The following RIGI variants were observed in gnomAD, a reference collection of about 807,000 sequenced individuals.
The protein encoded by RIGI is antiviral innate immune response receptor RIG-I.
the RIGI span, chr9:32,493,708 C>G: frequency 2.5e-6 from 3 of 1,202,980 alleles, no homozygotes; most frequent in Non-Finnish European, 3.5e-6. Context: ...AAACAGAAGA[C>G]CTTCCCATGT....
the RIGI span, among the ~76,000 whole-genome samples, chr9:32,512,301 T>C: frequency 5.1e-4 from 77 of 152,322 alleles, 1 homozygote; most frequent in South Asian, 0.016. Context: ...CTGATGAACA[T>C]TGATGCAAAA....
the RIGI span, chr9:32,498,316 C>A: frequency 2.2e-6 from 1 of 456,682 alleles, no homozygotes; most frequent in Non-Finnish European, 4.4e-6. Context: ...GCTCACCTGC[C>A]CAGGTGCATG....
the RIGI span, among the ~76,000 whole-genome samples, chr9:32,499,849 G>A: frequency 2.0e-5 from 3 of 152,234 alleles, no homozygotes; most frequent in Non-Finnish European, 4.4e-5. Flanking sequence ...CAAACTCCTG[G>A]ACTCTAGCAG....
At chr9:32,475,194 C>T in the RIGI span, among the ~76,000 whole-genome samples, 750 of 152,150 alleles carry the variant, frequency 4.9e-3, 5 homozygotes, top group African/African-American at 0.017. Context: ...TCAAGTGATC[C>T]GCCCGCCTCA....
At chr9:32,457,515 C>G in the RIGI span, 63 of 1,057,854 alleles carry the variant, frequency 6.0e-5, no homozygotes, top group Non-Finnish European at 7.7e-5. Flanking sequence ...CCACAATAAT[C>G]TGAGGCAAAG....
At chr9:32,488,936 A>G in the RIGI span, 1 of 1,495,940 alleles carries the variant, frequency 6.7e-7, no homozygotes, top group Non-Finnish European at 9.0e-7. Context: ...TATATTAGAT[A>G]TTTCTCTGGA....
the RIGI span, among the ~76,000 whole-genome samples, chr9:32,464,248 T>A: frequency 7.3e-5 from 11 of 151,072 alleles, no homozygotes; most frequent in East Asian, 2.1e-3. Context: ...AAAACCCATA[T>A]ACAGGGACCA....
the RIGI span, among the ~76,000 whole-genome samples, chr9:32,516,611 T>C: frequency 6.6e-6 from 1 of 152,182 alleles, no homozygotes; most frequent in African/African-American, 2.4e-5. Context: ...TGAGTGTCCT[T>C]TCTTGGCCCA....
the RIGI span, chr9:32,489,504 C>T: frequency 1.9e-5 from 21 of 1,127,276 alleles, no homozygotes; most frequent in Admixed American, 9.2e-5. Flanking sequence ...TGAGGAATCA[C>T]GGCAATAGCT....
the RIGI span, among the ~76,000 whole-genome samples, chr9:32,489,823 C>T: frequency 6.6e-6 from 1 of 152,210 alleles, no homozygotes; most frequent in Admixed American, 6.5e-5. Flanking sequence ...GAAAACCAAA[C>T]TGTTAACATT....
At chr9:32,520,091 T>C in the RIGI span, among the ~76,000 whole-genome samples, 2 of 152,228 alleles carry the variant, frequency 1.3e-5, no homozygotes, top group South Asian at 2.1e-4. Context: ...TATCTTCATA[T>C]TGAATTTCCA....
the RIGI span, chr9:32,459,304 T>C: frequency 1.9e-6 from 3 of 1,540,166 alleles, no homozygotes; most frequent in Non-Finnish European, 2.6e-6. Context: ...ATTATAAATA[T>C]TTCACCAACA....
chr9:32,493,814 T>C, the RIGI span: 16 of 1,610,618 alleles, frequency 9.9e-6, no homozygotes, highest in Admixed American at 1.7e-5. Flanking sequence ...AGATCAGAAA[T>C]GATATCGGTT....
chr9:32,480,106 C>G, the RIGI span: 1 of 1,199,756 alleles, frequency 8.3e-7, no homozygotes, highest in Non-Finnish European at 1.2e-6. Context: ...ACATCCAGGA[C>G]AACTCCCTAA....
chr9:32,460,287 G>A, the RIGI span, among the ~76,000 whole-genome samples: 16 of 152,152 alleles, frequency 1.1e-4, no homozygotes, highest in Admixed American at 9.2e-4. Context: ...CATGAAAACA[G>A]ACTAATACAG....
chr9:32,513,272 A>C, the RIGI span, among the ~76,000 whole-genome samples: 1 of 152,206 alleles, frequency 6.6e-6, no homozygotes. Flanking sequence ...AGACAATCCT[A>C]AGCAAAAAAG....
At chr9:32,472,319 T>C in the RIGI span, among the ~76,000 whole-genome samples, 1 of 152,232 alleles carries the variant, frequency 6.6e-6, no homozygotes, top group Non-Finnish European at 1.5e-5. Context: ...CAACCCTGGC[T>C]TTGTCTGCAG....
the RIGI span, among the ~76,000 whole-genome samples, chr9:32,476,244 C>T: frequency 6.6e-6 from 1 of 152,130 alleles, no homozygotes; most frequent in East Asian, 1.9e-4. Context: ...AAGCCAGGTT[C>T]CAAAACTTTG....
the RIGI span, among the ~76,000 whole-genome samples, chr9:32,505,983 A>C: frequency 2.0e-5 from 3 of 152,206 alleles, no homozygotes; most frequent in Admixed American, 6.5e-5. Context: ...TTGGGAGGCC[A>C]AGGCAGGCGG....
Sources: gnomAD v4.1 joint callset for allele counts (sites outside exome capture counted in the v4.1 genomes callset) on GRCh38, gnomAD v4.1.1 for gene constraint, MANE v1.5 for transcripts, NCBI Gene and HGNC (gene_info 2026-07-23, HGNC 2026-07-21) for gene names.